Variants in FMNL2 observed in about 807,000 individuals in gnomAD.
FMNL2 encodes formin like 2, also known as formin-like protein 2.
In FMNL2, 51 loss-of-function variants were observed where a neutral mutation model predicts 130.2. The ratio of observed to expected loss-of-function variants is 0.39; its 90% CI spans 0.31 to 0.49. The LOEUF (loss-of-function observed/expected upper bound fraction) is 0.49. FMNL2 is among the 20% of genes least tolerant of loss of function. The pLI is 0.85. For synonymous variants in FMNL2, 465 were observed against 467.1 expected (o/e 1.00, Z 0.06); for missense variants, 977 against 1,316.2 (o/e 0.74, Z 3.99).
intron 3 of FMNL2, among the ~76,000 whole-genome samples, chr2:152,548,554 G>A (rs918341950): frequency 1.1e-4 from 16 of 152,238 alleles, no homozygotes; most frequent in Admixed American, 7.8e-4. Context: ...GTCTCCTCGG[G>A]GAGAGGACTC....
At chr2:152,383,261 C>G in intron 1 of FMNL2, among the ~76,000 whole-genome samples, 1 of 138,670 alleles carries the variant, frequency 7.2e-6, no homozygotes, top group African/African-American at 2.7e-5. Context: ...GGTGTGGACA[C>G]TTCCGTTAAT....
chr2:152,391,810 C>G (rs1685123989), intron 1 of FMNL2, among the ~76,000 whole-genome samples: 1 of 82,482 alleles, frequency 1.2e-5, no homozygotes. Context: ...CTCCTAAACT[C>G]TATATGTTCT....
chr2:152,566,527 G>C (rs1695847899), intron 6 of FMNL2, among the ~76,000 whole-genome samples: 1 of 152,112 alleles, frequency 6.6e-6, no homozygotes, highest in Non-Finnish European at 1.5e-5. Context: ...TCAAGGATTG[G>C]AAAAAACACT....
intron 6 of FMNL2, among the ~76,000 whole-genome samples, chr2:152,573,335 T>C (rs1415370422): frequency 1.3e-5 from 2 of 152,210 alleles, no homozygotes; most frequent in African/African-American, 4.8e-5. Context: ...TGTGAACATT[T>C]GATAAAGAAC....
intron 1 of FMNL2, among the ~76,000 whole-genome samples, chr2:152,469,007 C>G (rs1051925996): frequency 1.3e-5 from 2 of 152,206 alleles, no homozygotes; most frequent in Non-Finnish European, 2.9e-5. Context: ...TAAATTACCT[C>G]TTTGACTCAC....
intron 21 of FMNL2, among the ~76,000 whole-genome samples, chr2:152,634,800 G>A (rs985479612): frequency 4.6e-5 from 7 of 152,176 alleles, no homozygotes; most frequent in Admixed American, 6.5e-5. Flanking sequence ...AGCTACAGGC[G>A]TTGCTGTTTG....
chr2:152,497,398 C>A (rs893903996), intron 1 of FMNL2, among the ~76,000 whole-genome samples: 89 of 151,930 alleles, frequency 5.9e-4, no homozygotes, highest in African/African-American at 7.3e-5. Flanking sequence ...TGCTTTTGTT[C>A]ATTTGTAATA....
At chr2:152,474,874 C>T (rs767356502) in intron 1 of FMNL2, among the ~76,000 whole-genome samples, 1 of 152,060 alleles carries the variant, frequency 6.6e-6, no homozygotes. Context: ...GTCACAGAGC[C>T]GTTTAAAGGC....
intron 7 of FMNL2, among the ~76,000 whole-genome samples, chr2:152,575,919 C>T (rs182680863): frequency 6.6e-6 from 1 of 152,218 alleles, no homozygotes; most frequent in East Asian, 1.9e-4. Context: ...AGGTTGACCC[C>T]ACTGTAAAAA....
intron 1 of FMNL2, among the ~76,000 whole-genome samples, chr2:152,425,156 G>T (rs1259490134): frequency 6.6e-6 from 1 of 152,178 alleles, no homozygotes; most frequent in Non-Finnish European, 1.5e-5. Context: ...AGAGTTAGAT[G>T]AAAGGAGCAG....
intron 1 of FMNL2, among the ~76,000 whole-genome samples, chr2:152,465,854 G>T (rs1689502167): frequency 6.6e-6 from 1 of 152,212 alleles, no homozygotes. Context: ...TTCTGTTTTG[G>T]GAACATGGAG....
At chr2:152,472,551 A>T (rs1689917381) in intron 1 of FMNL2, among the ~76,000 whole-genome samples, 2 of 152,206 alleles carry the variant, frequency 1.3e-5, no homozygotes, top group Non-Finnish European at 2.9e-5. Flanking sequence ...TAATGCTTTG[A>T]CTATGGGATA....
At position 152,647,681 on chromosome 2, in the gene FMNL2, A is replaced by G. The variant is rs115092986; in HGVS notation, c.3170-115A>G. On this transcript the variant is annotated intron_variant, in intron 25 of 25. Transcript: ENST00000288670. ...AATGCTCAGTGAGTTTGAAGGGCCC[A>G]TTAGCTGACTTTTCTACACAAGCTG... 9.8e-4 allele frequency: 870 copies of G among 889,488 alleles called. 6 individuals carry two copies. In the African/African-American group the frequency reaches 0.013, roughly 13 times the overall value. The allele number at this position is 889,488 out of a possible 1,614,324, so 55.1% of individuals were successfully genotyped here. A position where few individuals can be genotyped will look rare whatever the true frequency, so the allele number is the denominator to read the frequency against.
chr2:152,351,392 C>T (rs1417537211), intron 1 of FMNL2, among the ~76,000 whole-genome samples: 1 of 152,160 alleles, frequency 6.6e-6, no homozygotes, highest in Non-Finnish European at 1.5e-5. Context: ...TGACGTTCCC[C>T]TCCCGGTGTC....
At chr2:152,526,347 A>G (rs532683812) in intron 2 of FMNL2, among the ~76,000 whole-genome samples, 53 of 152,318 alleles carry the variant, frequency 3.5e-4, no homozygotes, top group African/African-American at 1.2e-3. Flanking sequence ...AAGAAGCTGA[A>G]GGAAAAGATG....
intron 1 of FMNL2, among the ~76,000 whole-genome samples, chr2:152,511,048 A>C (rs1692474013): frequency 6.6e-6 from 1 of 152,148 alleles, no homozygotes; most frequent in African/African-American, 2.4e-5. Context: ...CTCTGTTTTT[A>C]ATTCCTTTGT....
At chr2:152,388,377 G>A (rs1579543740) in intron 1 of FMNL2, among the ~76,000 whole-genome samples, 1 of 152,084 alleles carries the variant, frequency 6.6e-6, no homozygotes, top group Admixed American at 6.5e-5. Flanking sequence ...ATGGTGGAAG[G>A]GGAAGCAAAC....
At position 152,614,957 on chromosome 2, in the gene FMNL2, C is replaced by G. The variant is rs757452855; in HGVS notation, c.1169C>G (p.Ala390Gly). The change falls in exon 12 of 26, where the codon GCT becomes GGT. Residue 390 changes from alanine to glycine, a missense_variant. Physicochemically the swap from Ala to Gly is moderately conservative, Grantham distance 60. Coordinates refer to ENST00000288670, the MANE Select transcript of FMNL2 (RefSeq NM_052905.4). ...ALLEDAETKN[A>G]ALERVEELEE... ...CTGGAAGATGCTGAAACTAAGAATG[C>G]TGCCTTGGAGAGGGTGGAAGAACTG... 12 of 1,613,524 alleles carry G rather than the reference C, an allele frequency of 7.4e-6. No individual in the cohort carries two copies. The highest frequency in any genetic ancestry group is 5.9e-6 in the Non-Finnish European group (7 of 1,179,748).
intron 9 of FMNL2, among the ~76,000 whole-genome samples, chr2:152,589,830 C>G (rs1697287067): frequency 6.6e-6 from 1 of 151,008 alleles, no homozygotes; most frequent in African/African-American, 2.4e-5. Flanking sequence ...AGCTGCTTCC[C>G]TGCTCTTCTA....
Sources: allele counts gnomAD v4.1 joint callset (sites outside exome capture counted in the v4.1 genomes callset), GRCh38; gene constraint gnomAD v4.1.1; transcripts MANE v1.5; gene names NCBI Gene and HGNC (gene_info 2026-07-23, HGNC 2026-07-21).